PRX: variants seen among roughly 807,000 people sequenced by gnomAD.
The protein encoded by PRX is periaxin.
A neutral mutation model predicts 29.6 loss-of-function variants in PRX; 24 were observed. The observed-to-expected ratio is 0.81, with a 90% CI of 0.59 to 1.14. The LOEUF is 1.14. PRX is among the 50% of genes most tolerant of loss of function. The probability of loss-of-function intolerance (pLI) is 0.00; values close to 1 mark genes in which losing one functional copy is unlikely to be tolerated. For synonymous variants in PRX, 772 were observed against 831.7 expected (o/e 0.93, Z 1.24); for missense variants, 1,838 against 1,926.4 (o/e 0.95, Z 0.86).
intron 4 of PRX, among the ~76,000 whole-genome samples, chr19:40,404,564 C>G (rs1405648656): frequency 6.6e-6 from 1 of 151,322 alleles, no homozygotes; most frequent in Non-Finnish European, 1.5e-5. Flanking sequence ...GGGGCGGAGA[C>G]CCTTATTATT....
chr19:40,412,958 C>T (rs2079565501), intron 1 of PRX, among the ~76,000 whole-genome samples: 1 of 152,152 alleles, frequency 6.6e-6, no homozygotes, highest in African/African-American at 2.4e-5. Flanking sequence ...AACTCCTGGG[C>T]TTAAGCAGTC....
At chr19:40,413,822 C>T (rs1693130165), upstream of PRX, among the ~76,000 whole-genome samples, 1 of 152,166 alleles carries the variant, frequency 6.6e-6, no homozygotes, top group African/African-American at 2.4e-5. Flanking sequence ...AGTAAGAGTA[C>T]CCACCTTATG....
Position 40,394,164 on chromosome 19 carries a change from A to G in PRX, c.4188T>C (p.Asp1396=), listed in dbSNP as rs776616217. 5 of 1,588,988 alleles carry G rather than the reference A, an allele frequency of 3.1e-6. No homozygotes were observed. In the Admixed American group the frequency reaches 5.2e-5, roughly 16 times the overall value. Residue 1396 remains aspartate (D), a synonymous_variant, in exon 7 of 7, where the codon GAT becomes GAC. Transcript: ENST00000324001. This position sits in a 1 kb window ranked among gnomAD's most constrained non-coding sequence, Gnocchi z 5.8. The part of the protein sequence containing the change: ...PSKASRGQEG[D]AAPKSPVREK... ...CTCTGACGGGGGACTTGGGGGCTGC[A>G]TCGCCCTCCTGCCCCCGAGAGGCTT...
Position 40,395,085 on chromosome 19 carries a change from G to A in PRX, c.3267C>T (p.Ser1089=), listed in dbSNP as rs1568703793. 1 of 1,613,560 alleles carries A rather than the reference G, an allele frequency of 6.2e-7. No homozygotes were observed. The change falls in exon 7 of 7, where the codon TCC becomes TCT. Residue 1089 remains serine (S), a synonymous_variant. Transcript: ENST00000324001. ...DRASPGEKAE[S]TAVQLKIPEV... ...CGGGGATCTTAAGCTGCACAGCGGT[G>A]GACTCAGCCTTTTCCCCCGGGCTGG... is the stretch of plus-strand genomic sequence containing the variant.
chr19:40,399,859 CT>C (rs1285567830), intron 5 of PRX, among the ~76,000 whole-genome samples: 1 of 60,490 alleles, frequency 1.7e-5, no homozygotes, highest in Non-Finnish European at 3.4e-5. Flanking sequence ...TCCTTTCTTT[CT>C]TTCTTTCTTT....
chr19:40,393,889 G>A lies in PRX; in HGVS notation c.*77C>T, dbSNP rs549239622. 3 of 1,596,532 alleles carry A rather than the reference G, an allele frequency of 1.9e-6. No individual in the cohort carries two copies. In the Admixed American group the frequency reaches 5.0e-5, roughly 27 times the overall value. On this transcript the variant is annotated 3_prime_UTR_variant, in exon 7 of 7. Coordinates refer to ENST00000324001, the MANE Select transcript of PRX (RefSeq NM_181882.3). ...CCACCTCCCGGCCCTCTTAGGGTTA[G>A]TGCTAGTTATCACACACACAACAGC...
Position 40,398,073 on chromosome 19 carries a change from G to T in PRX, c.382-103C>A. 1.4e-6 allele frequency: 2 copies of T among 1,467,940 alleles called. No individual in the cohort carries two copies. Among genetic ancestry groups the T allele is most frequent in the Non-Finnish European group, 1.8e-6 (2 of 1,109,124 alleles). The allele number at this position is 1,467,940 out of a possible 1,614,324, so 90.9% of individuals were successfully genotyped here. A position where few individuals can be genotyped will look rare whatever the true frequency, so the allele number is the denominator to read the frequency against. On this transcript the variant is annotated intron_variant, in intron 6 of 6. Coordinates refer to ENST00000324001, the MANE Select transcript of PRX (RefSeq NM_181882.3). This position sits in a 1 kb window ranked among gnomAD's most constrained non-coding sequence, Gnocchi z 6.3. Reference sequence around the variant, plus strand: ...TTGGACCAGGCGGGGGATGTGCTGGGTCAAGTATCTTGTTCCCCAAACATC... The same window carrying T: ...TTGGACCAGGCGGGGGATGTGCTGGTTCAAGTATCTTGTTCCCCAAACATC...
At chr19:40,403,001 C>A (rs756329774) in intron 5 of PRX, among the ~76,000 whole-genome samples, 1 of 151,862 alleles carries the variant, frequency 6.6e-6, no homozygotes, top group Admixed American at 6.6e-5. Flanking sequence ...GAAACCCCGT[C>A]TCTACTAAAA....
chr19:40,399,913 C>CTTTCTTTCTTTCTTTCT (rs1568712066), intron 5 of PRX, among the ~76,000 whole-genome samples: 11 of 115,082 alleles, frequency 9.6e-5, no homozygotes, highest in East Asian at 7.1e-4. Flanking sequence ...CTTTTTCTTT[C>CTTTCTTTCTTTCTTTCT]TTTCTTTCTT....
Position 40,397,724 on chromosome 19 carries a change from CG to C in PRX, c.627del (p.Ala210ProfsTer103), listed in dbSNP as rs1599656507. On this transcript the variant is annotated frameshift_variant, in exon 7 of 7. Transcript: ENST00000324001. LOFTEE classifies it low-confidence loss of function (END_TRUNC). ...AEEAQAARLAAAAPPPRKAKV... is the reference protein window; with the variant it reads ...AEEAQAARLAXAAPPPRKAKV... ...TTGGCTTTCCTGGGGGGAGGAGCGGCGGCGGCCAGCCGGGCTGCCTGAGCCT... is the reference window on the plus strand; with the variant it reads ...TTGGCTTTCCTGGGGGGAGGAGCGGCGCGGCCAGCCGGGCTGCCTGAGCCT... 2 of 1,560,050 alleles carry C rather than the reference CG, an allele frequency of 1.3e-6. No homozygotes were observed. Among genetic ancestry groups the C allele is most frequent in the Non-Finnish European group, 1.7e-6 (2 of 1,156,078 alleles).
rs374750300 is a variant in PRX at position 40,395,441 on chromosome 19, C to G, written c.2911G>C (p.Val971Leu). 10 of 1,614,042 alleles carry G rather than the reference C, an allele frequency of 6.2e-6. No homozygotes were observed. The African/African-American group carries it at 1.1e-4, about 17-fold the overall frequency. ...KFAISLPKAR[V>L]GAEAEAKGAG... ...CCTTTGGCCTCAGCCTCAGCCCCCA[C>G]CCGAGCCTTGGGGAGTGAGATGGCA... The change falls in exon 7 of 7, where the codon GTG becomes CTG. Residue 971 changes from valine (V) to leucine (L), a missense_variant. By Grantham distance (32) the Val-to-Leu change is conservative. Around this residue, in one of 3 missense-constraint regions of PRX, gnomAD observed 1,143 missense variants for 1,193.0 expected, o/e 0.96. Transcript: ENST00000324001.
Position 40,397,589 on chromosome 19 carries a change from TG to T in PRX, c.762del (p.Lys255ArgfsTer58). The T allele has an allele frequency of 6.5e-7, 1 of 1,542,402 alleles. No homozygotes were observed. Among genetic ancestry groups the T allele is most frequent in the Non-Finnish European group, 8.7e-7 (1 of 1,148,336 alleles). On this transcript the variant is annotated frameshift_variant, in exon 7 of 7. Coordinates refer to ENST00000324001, the MANE Select transcript of PRX (RefSeq NM_181882.3). LOFTEE classifies it low-confidence loss of function (END_TRUNC). Reference sequence around the variant, plus strand: ...GCTGCCTCTGCTGAGGGGGCAGCCTTGGGGGCTGAGACCTGGGGGACACCCA... The same window carrying T: ...GCTGCCTCTGCTGAGGGGGCAGCCTTGGGGCTGAGACCTGGGGGACACCCA... ...AEVGVPQVSA[P>X]KAAPSAEAAG...
At chr19:40,399,210 C>A (rs1027634095) in intron 5 of PRX, among the ~76,000 whole-genome samples, 1 of 152,112 alleles carries the variant, frequency 6.6e-6, no homozygotes, top group Non-Finnish European at 1.5e-5. Context: ...ATGAACTAAC[C>A]CCACTCCTAG....
rs1397900999 is a variant in PRX, at chr19:40,396,707, G to A, written c.1645C>T (p.Pro549Ser). Reference sequence around the variant, plus strand: ...GGGAGTTTCATCTCTGACACTTTCGGCAGCTGTACCTCTGGAAGCCGCACC... The same window carrying A: ...GGGAGTTTCATCTCTGACACTTTCGACAGCTGTACCTCTGGAAGCCGCACC... ...PEVRLPEVQL[P>S]KVSEMKLPEV... The change falls in exon 7 of 7, where the codon CCG (proline) becomes TCG (serine). Residue 549 changes from proline to serine, a missense_variant. Transcript: ENST00000324001. 5.0e-6 allele frequency: 8 copies of A among 1,613,012 alleles called. No individual in the cohort carries two copies. The Admixed American group carries it at 1.3e-4, about 27-fold the overall frequency.
rs767386430 is a variant in PRX at position 40,395,419 on chromosome 19, T to C, written c.2933A>G (p.Lys978Arg). Residue 978 changes from lysine (K) to arginine (R), a missense_variant, in exon 7 of 7, where the codon AAA becomes AGA. Coordinates refer to ENST00000324001, the MANE Select transcript of PRX (RefSeq NM_181882.3). Reference protein sequence around the residue: ...KARVGAEAEAKGAGEAGLLPA... With the variant: ...KARVGAEAEARGAGEAGLLPA... ...CAGCAGGCCTGCCTCCCCAGCCCCT[T>C]TGGCCTCAGCCTCAGCCCCCACCCG... 10 of 1,613,822 alleles carry C rather than the reference T, an allele frequency of 6.2e-6. No individual in the cohort carries two copies. In the Admixed American group the frequency reaches 1.5e-4, roughly 24 times the overall value.
chr19:40,398,964 A>C lies in PRX; in HGVS notation c.185-148T>G. ...CCCAGCGCAGGATTAAGTCGCAGTT[A>C]CGCTAGTCCCCGCCCCATGACCTTA... On this transcript the variant is annotated intron_variant, in intron 5 of 6. Coordinates refer to ENST00000324001, the MANE Select transcript of PRX (RefSeq NM_181882.3). This position sits in a 1 kb window ranked among gnomAD's most constrained non-coding sequence, Gnocchi z 6.3. The C allele has an allele frequency of 1.3e-6, 2 of 1,487,906 alleles. No homozygotes were observed. Among genetic ancestry groups the C allele is most frequent in the Middle Eastern group, 2.4e-4 (1 of 4,158 alleles). The allele number at this position is 1,487,906 out of a possible 1,614,324, so 92.2% of individuals were successfully genotyped here.
intron 5 of PRX, among the ~76,000 whole-genome samples, chr19:40,402,499 C>T (rs1421938187): frequency 1.3e-5 from 2 of 151,982 alleles, no homozygotes; most frequent in Admixed American, 6.5e-5. Flanking sequence ...CGGCTGGGCG[C>T]GGTGGCTCAC....
rs143710873 is a variant in PRX, at chr19:40,397,358, T to C, written c.994A>G (p.Thr332Ala). The change falls in exon 7 of 7, where the codon ACT (threonine) becomes GCT (alanine). Residue 332 changes from threonine to alanine, a missense_variant. Thr to Ala is a moderately conservative substitution (Grantham distance 58). Transcript: ENST00000324001. ...VVPTLDVAAP[T>A]VGVDLALPGA... ...GGCAAGGCCAGGTCCACCCCCACAG[T>C]CGGTGCTGCCACATCCAGGGTGGGC... The C allele has an allele frequency of 6.3e-5, 102 of 1,612,698 alleles. No homozygotes were observed. Among genetic ancestry groups the C allele is most frequent in the Non-Finnish European group, 7.5e-5 (88 of 1,179,882 alleles).
intron 4 of PRX, 93 bp from the exon 5 acceptor site, chr19:40,403,955 A>G (rs1237270940): frequency 3.0e-6 from 4 of 1,355,740 alleles, no homozygotes; most frequent in East Asian, 5.1e-5. Flanking sequence ...ATATACATAT[A>G]TATGTTTATA....
Sources: gnomAD v4.1 joint callset for allele counts (sites outside exome capture counted in the v4.1 genomes callset) on GRCh38, gnomAD v4.1.1 for gene constraint, gnomAD v4.1.1 regional missense constraint, Gnocchi (gnomAD v3.1) non-coding constraint, MANE v1.5 for transcripts, NCBI Gene and HGNC (gene_info 2026-07-23, HGNC 2026-07-21) for gene names.